The following CYTH1 variants were observed in gnomAD, a reference collection of about 807,000 sequenced individuals.
CYTH1 encodes cytohesin 1.
In CYTH1, 18 loss-of-function variants were observed where a neutral mutation model predicts 61.8. That is an observed-to-expected ratio of 0.29 (90% CI 0.20 to 0.43). The LOEUF (loss-of-function observed/expected upper bound fraction) is 0.43. Ranked by LOEUF, CYTH1 falls within the 20% of genes least tolerant of loss-of-function variation. The pLI is 1.00. For missense variants in CYTH1, 336 were observed against 510.5 expected (o/e 0.66, Z 3.29); for synonymous variants, 174 against 184.3 (o/e 0.94, Z 0.45).
At chr17:78,781,161 C>T (rs1012838017) in intron 1 of CYTH1, among the ~76,000 whole-genome samples, 2 of 148,666 alleles carry the variant, frequency 1.3e-5, no homozygotes, top group African/African-American at 5.0e-5. Context: ...AGAGCGAGAT[C>T]TCGTCTCTTA....
intron 7 of CYTH1, 45 bp from the exon 8 acceptor site, chr17:78,699,013 T>C: frequency 6.3e-7 from 1 of 1,596,320 alleles, no homozygotes; most frequent in Non-Finnish European, 8.5e-7. Flanking sequence ...CATGCTCAGA[T>C]GTTCAGAAAC....
Position 78,675,004 on chromosome 17 carries a change from G to C in CYTH1, c.*1087C>G, listed in dbSNP as rs573906196. On this transcript the variant is annotated 3_prime_UTR_variant, in exon 14 of 14. Transcript: ENST00000446868. ...GGGGGCCCACCACAAAATGCATCCAGAGTAGTCCAGTTAGGGCTGGTTTTG... is the reference window on the plus strand; with the variant it reads ...GGGGGCCCACCACAAAATGCATCCACAGTAGTCCAGTTAGGGCTGGTTTTG... The C allele has an allele frequency of 6.6e-6, 1 of 152,392 alleles. No homozygotes were observed. Among genetic ancestry groups the C allele is most frequent in the African/African-American group, 2.4e-5 (1 of 41,456 alleles). The allele number at this position is 152,392 out of a possible 1,614,324, so 9.4% of individuals were successfully genotyped here.
At chr17:78,702,724 G>T in intron 3 of CYTH1, 120 bp from the exon 4 acceptor site, 1 of 1,069,954 alleles carries the variant, frequency 9.3e-7, no homozygotes, top group Non-Finnish European at 1.4e-6. Flanking sequence ...AAAGCAACAG[G>T]CATAATCTGG....
chr17:78,676,774 G>C, intron 13 of CYTH1: 1 of 350,888 alleles, frequency 2.8e-6, no homozygotes, highest in Non-Finnish European at 5.6e-6. Flanking sequence ...GCTCATGCTT[G>C]TGCTACAGCC....
At chr17:78,714,348 A>G (rs1276006243) in intron 1 of CYTH1, among the ~76,000 whole-genome samples, 1 of 152,114 alleles carries the variant, frequency 6.6e-6, no homozygotes, top group Non-Finnish European at 1.5e-5. Flanking sequence ...ATAAACCTAC[A>G]ATATCAAAGA....
intron 1 of CYTH1, among the ~76,000 whole-genome samples, chr17:78,748,733 G>A (rs185520797): frequency 3.9e-5 from 6 of 152,230 alleles, no homozygotes; most frequent in Admixed American, 2.6e-4. Flanking sequence ...ACGGGTGGGC[G>A]GGAGGAGTGT....
intron 9 of CYTH1, 62 bp downstream of exon 9, chr17:78,698,181 GCACACACGCACGCACGCACACACGCA>G (rs1398632693): frequency 1.9e-6 from 2 of 1,072,590 alleles, no homozygotes; most frequent in Non-Finnish European, 1.4e-6. Context: ...ACGCACACGC[GCACACACGCACGCACGCACACACGCA>G]CACACACCGC....
intron 1 of CYTH1, chr17:78,727,704 C>T (rs1029704038): frequency 8.5e-6 from 4 of 471,032 alleles, no homozygotes; most frequent in Middle Eastern, 3.2e-4. Flanking sequence ...AGCCTCCTGG[C>T]GAGTGCATCC....
At chr17:78,711,308 T>TAAATA (rs1328628180) in intron 1 of CYTH1, among the ~76,000 whole-genome samples, 16 of 138,976 alleles carry the variant, frequency 1.2e-4, no homozygotes, top group African/African-American at 4.9e-4. Context: ...AAATAATATA[T>TAAATA]ATATATACAC....
At chr17:78,695,288 A>G (rs540647409) in intron 10 of CYTH1, among the ~76,000 whole-genome samples, 2 of 152,282 alleles carry the variant, frequency 1.3e-5, no homozygotes, top group East Asian at 1.9e-4. Flanking sequence ...GCAAAACAAA[A>G]CATAACAACA....
chr17:78,675,203 AATGCTGACTTTCTACT>A lies in CYTH1; in HGVS notation c.*872_*887del, dbSNP rs1478221132. 2.0e-5 allele frequency: 3 copies of A among 152,234 alleles called. No homozygotes were observed. Among genetic ancestry groups the A allele is most frequent in the Non-Finnish European group, 4.4e-5 (3 of 68,038 alleles). 9.4% of individuals were successfully genotyped at this position (152,234 alleles called of 1,614,324 possible). On this transcript the variant is annotated 3_prime_UTR_variant, in exon 14 of 14. Transcript: ENST00000446868. ...GTTATTAGGTATTTAGCTCAAGGAA[AATGCTGACTTTCTACT>A]TTAAAGCCCAACAAGAACTTGGATT... is the stretch of plus-strand genomic sequence containing the variant.
chr17:78,687,477 T>C (rs143198294), intron 11 of CYTH1, among the ~76,000 whole-genome samples: 11 of 152,342 alleles, frequency 7.2e-5, no homozygotes, highest in African/African-American at 2.6e-4. Context: ...GTTGATCTTC[T>C]TCTAGCATTG....
intron 1 of CYTH1, among the ~76,000 whole-genome samples, chr17:78,754,479 G>C (rs1432898421): frequency 6.6e-6 from 1 of 151,886 alleles, no homozygotes. Flanking sequence ...AAGTAGCTGG[G>C]ACCACAGGTG....
intron 9 of CYTH1, chr17:78,696,857 A>G (rs2092943982): frequency 6.6e-6 from 1 of 152,136 alleles, no homozygotes; most frequent in Non-Finnish European, 1.5e-5. Flanking sequence ...ACTTGAACAC[A>G]CTTTAAACGT....
rs549766788 is a variant in CYTH1 at position 78,758,493 on chromosome 17, T to A, written c.22+23709A>T. 1.7e-3 allele frequency among the ~76,000 whole-genome samples: 252 copies of A among 152,090 alleles called. 2 individuals are homozygous for A. Among genetic ancestry groups the A allele is most frequent in the African/African-American group, 5.9e-3 (243 of 41,472 alleles). On this transcript the variant is annotated intron_variant, in intron 1 of 13. Coordinates refer to ENST00000446868, the MANE Select transcript of CYTH1 (RefSeq NM_004762.6). ...GCCGAGGCAGGCAGATCACCCGAGG[T>A]CAGGAGTTCGAGACCAGCCTGACAA...
At chr17:78,765,068 C>G (rs2093443054) in intron 1 of CYTH1, among the ~76,000 whole-genome samples, 1 of 152,114 alleles carries the variant, frequency 6.6e-6, no homozygotes, top group Non-Finnish European at 1.5e-5. Context: ...GCATCCCTAG[C>G]ACAGTGAATA....
intron 11 of CYTH1, among the ~76,000 whole-genome samples, chr17:78,685,466 ATATT>A (rs1415428227): frequency 6.8e-6 from 1 of 147,180 alleles, no homozygotes; most frequent in African/African-American, 2.4e-5. Context: ...TATTAGCTCT[ATATT>A]TAAGTTTATT....
At chr17:78,729,360 T>A (rs1288029835) in intron 1 of CYTH1, among the ~76,000 whole-genome samples, 1 of 152,098 alleles carries the variant, frequency 6.6e-6, no homozygotes, top group Non-Finnish European at 1.5e-5. Context: ...AAAGACAGAT[T>A]ACAAAAAGAG....
intron 1 of CYTH1, among the ~76,000 whole-genome samples, chr17:78,775,428 C>T (rs1172850627): frequency 2.0e-5 from 3 of 152,174 alleles, no homozygotes; most frequent in Non-Finnish European, 2.9e-5. Flanking sequence ...CAATGCTTCT[C>T]GAAATATGCG....
Sources: allele counts gnomAD v4.1 joint callset (sites outside exome capture counted in the v4.1 genomes callset), GRCh38; gene constraint gnomAD v4.1.1; transcripts MANE v1.5; gene names NCBI Gene and HGNC (gene_info 2026-07-23, HGNC 2026-07-21).